KCNQ1: variants seen among roughly 807,000 people sequenced by gnomAD.
KCNQ1 encodes the protein potassium voltage-gated channel subfamily KQT member 1.
In KCNQ1, 49 loss-of-function variants were observed where a neutral mutation model predicts 72.4. The observed-to-expected ratio is 0.68, with a 90% CI of 0.54 to 0.86. The LOEUF (loss-of-function observed/expected upper bound fraction) is 0.86, where lower values mean the gene tolerates loss of function less well. Ranked by LOEUF, KCNQ1 falls within the 40% of genes least tolerant of loss-of-function variation. The probability of loss-of-function intolerance (pLI) is 0.00; values close to 1 mark genes in which losing one functional copy is unlikely to be tolerated. For synonymous variants in KCNQ1, 450 were observed against 412.6 expected, an observed-to-expected ratio of 1.09 and a Z score of -1.10; for missense variants, 790 against 945.1, an observed-to-expected ratio of 0.84 and a Z score of 2.15.
intron 11 of KCNQ1, among the ~76,000 whole-genome samples, chr11:2,757,879 T>C (rs747357683): frequency 6.6e-6 from 1 of 152,248 alleles, no homozygotes; most frequent in Admixed American, 6.5e-5. Flanking sequence ...ATTAAAACCC[T>C]GACCTAAGTC....
In KCNQ1 at chr11:2,696,642, T is replaced by C. The variant is rs1590038467; in HGVS notation, c.1514+34561T>C. The C allele has an allele frequency of 5.5e-5, 22 of 398,658 alleles. No individual in the cohort carries two copies. The East Asian group carries it at 7.8e-4, about 14-fold the overall frequency. The allele number at this position is 398,658 out of a possible 1,614,324, so 24.7% of individuals were successfully genotyped here. A position where few individuals can be genotyped will look rare whatever the true frequency, so the allele number is the denominator to read the frequency against. On this transcript the variant is annotated intron_variant, in intron 11 of 15. Coordinates refer to ENST00000155840, the MANE Select transcript of KCNQ1 (RefSeq NM_000218.3). The stretch of plus-strand genomic sequence containing the variant: ...TGGAGTCCTGTTGAACTTAACAGAT[T>C]TGGAAAATCCTGACGTCATTCTAAT...
At chr11:2,832,353 G>A (rs1019480913) in intron 15 of KCNQ1, among the ~76,000 whole-genome samples, 8 of 152,194 alleles carry the variant, frequency 5.3e-5, no homozygotes, top group African/African-American at 1.2e-4. Context: ...GGGGGCTTCC[G>A]GGCTGGGAGA....
chr11:2,686,548 A>G (rs1021599743), intron 11 of KCNQ1: 5 of 398,564 alleles, frequency 1.3e-5, no homozygotes, highest in Admixed American at 4.4e-5. Flanking sequence ...GCCCTGGGCA[A>G]TGTGCTCCTG....
chr11:2,647,694 A>AT lies in KCNQ1; in HGVS notation c.1394-14259dup, dbSNP rs1420449856. The AT allele has an allele frequency of 5.0e-6, 2 of 398,158 alleles. No individual in the cohort carries two copies. Among genetic ancestry groups the AT allele is most frequent in the Non-Finnish European group, 4.4e-6 (1 of 225,966 alleles). The allele number at this position is 398,158 out of a possible 1,614,324, so 24.7% of individuals were successfully genotyped here. A position where few individuals can be genotyped will look rare whatever the true frequency, so the allele number is the denominator to read the frequency against. On this transcript the variant is annotated intron_variant, in intron 10 of 15. Transcript: ENST00000155840. This position sits in a 1 kb window ranked among gnomAD's most constrained non-coding sequence, Gnocchi z 4.0. ...CATTCCTTGTTATTGCTCTGTTCAG[A>AT]TTTTTTTTCTTCCTGGTTCAATCTT... is the stretch of plus-strand genomic sequence containing the variant.
chr11:2,666,742 C>T (rs1435724586), intron 11 of KCNQ1: 6 of 398,670 alleles, frequency 1.5e-5, no homozygotes, highest in Non-Finnish European at 2.2e-5. Flanking sequence ...CCCAGGGTAC[C>T]AGGCACTGCA....
At chr11:2,821,375 CCA>C (rs1396243428) in intron 15 of KCNQ1, among the ~76,000 whole-genome samples, 2 of 152,332 alleles carry the variant, frequency 1.3e-5, no homozygotes, top group Admixed American at 6.5e-5. Context: ...GTCACGCCAG[CCA>C]CACACACTTT....
At chr11:2,714,095 G>A (rs967017241) in intron 11 of KCNQ1, among the ~76,000 whole-genome samples, 1 of 152,230 alleles carries the variant, frequency 6.6e-6, no homozygotes, top group East Asian at 1.9e-4. Flanking sequence ...GACTCTTTCC[G>A]AGCCTCTCCT....
chr11:2,752,000 AC>A (rs1378382433), intron 11 of KCNQ1, among the ~76,000 whole-genome samples: 1 of 151,794 alleles, frequency 6.6e-6, no homozygotes, highest in East Asian at 1.9e-4. Flanking sequence ...TGCCGCTGCC[AC>A]CTTGGCACCT....
chr11:2,801,582 C>T (rs544810335), intron 15 of KCNQ1, among the ~76,000 whole-genome samples: 17 of 152,202 alleles, frequency 1.1e-4, no homozygotes, highest in Non-Finnish European at 1.9e-4. Context: ...GGGACCAAGG[C>T]CCTGCCTTCA....
At chr11:2,445,629 A>C in intron 1 of KCNQ1, 145 bp downstream of exon 1, 1 of 959,834 alleles carries the variant, frequency 1.0e-6, no homozygotes, top group Non-Finnish European at 1.6e-6. Context: ...CAGAAACACA[A>C]ACTCTGCACT....
intron 11 of KCNQ1, among the ~76,000 whole-genome samples, chr11:2,757,406 G>T (rs1267374103): frequency 6.6e-6 from 1 of 152,126 alleles, no homozygotes; most frequent in Non-Finnish European, 1.5e-5. Flanking sequence ...ACTACAATAT[G>T]CCAATGAAAG....
intron 2 of KCNQ1, among the ~76,000 whole-genome samples, chr11:2,529,600 C>T (rs1847576744): frequency 6.6e-6 from 1 of 152,184 alleles, no homozygotes; most frequent in East Asian, 1.9e-4. Context: ...TCTAGTCTAT[C>T]ATGTTTTCCA....
rs913779449 is a variant in KCNQ1, at chr11:2,484,741, C to T, written c.386+39257C>T. On this transcript the variant is annotated intron_variant, in intron 1 of 15. Transcript: ENST00000155840. This position sits in a 1 kb window ranked among gnomAD's most constrained non-coding sequence, Gnocchi z 5.2. Reference sequence around the variant, plus strand: ...TCGCCACTGTGGACCTGCTGCTCTGCGCCCACTCGGCCGACGGAGCTGGGG... The same window carrying T: ...TCGCCACTGTGGACCTGCTGCTCTGTGCCCACTCGGCCGACGGAGCTGGGG... Among the ~76,000 whole-genome samples the T allele has an allele frequency of 7.2e-5, 11 of 152,308 alleles. No homozygotes were observed. The highest frequency in any genetic ancestry group is 1.4e-4 in the African/African-American group (6 of 41,554).
chr11:2,768,801 A>T lies in KCNQ1; in HGVS notation c.1515-43A>T. ...CAGGGGCAGTGAGGGGATGACCAGCACAGGGTGGCCACTCACAATCTCCTC... is the reference window on the plus strand; with the variant it reads ...CAGGGGCAGTGAGGGGATGACCAGCTCAGGGTGGCCACTCACAATCTCCTC... On this transcript the variant is annotated intron_variant, in intron 11 of 15. Transcript: ENST00000155840. The surrounding 1 kb of genome is among the most constrained non-coding windows in gnomAD (Gnocchi z 6.7). The T allele has an allele frequency of 2.0e-6, 3 of 1,499,486 alleles. No individual in the cohort carries two copies. The highest frequency in any genetic ancestry group is 2.8e-6 in the Non-Finnish European group (3 of 1,075,428). 92.9% of individuals were successfully genotyped at this position (1,499,486 alleles called of 1,614,324 possible). A position where few individuals can be genotyped will look rare whatever the true frequency, so the allele number is the denominator to read the frequency against.
Position 2,658,388 on chromosome 11 carries a change from C to T in KCNQ1, c.1394-3573C>T, listed in dbSNP as rs1257160789. On this transcript the variant is annotated intron_variant, in intron 10 of 15. Coordinates refer to ENST00000155840, the MANE Select transcript of KCNQ1 (RefSeq NM_000218.3). This position sits in a 1 kb window ranked among gnomAD's most constrained non-coding sequence, Gnocchi z 4.9. The stretch of plus-strand genomic sequence containing the variant: ...AGTATTTATTTTTTGAGTTATAGTC[C>T]AATATTATTTATTTTGTTGCTCAAA... 2.0e-5 allele frequency: 8 copies of T among 398,132 alleles called. No individual in the cohort carries two copies. Among genetic ancestry groups the T allele is most frequent in the East Asian group, 1.4e-4 (4 of 28,068 alleles). 24.7% of individuals were successfully genotyped at this position (398,132 alleles called of 1,614,324 possible).
intron 15 of KCNQ1, among the ~76,000 whole-genome samples, chr11:2,812,746 C>A (rs756942986): frequency 3.9e-5 from 6 of 152,130 alleles, no homozygotes; most frequent in Admixed American, 6.5e-5. Flanking sequence ...GGCCGTGGGC[C>A]CCACGCCCCC....
rs1246487218 is a variant in KCNQ1, at chr11:2,468,113, A to T, written c.386+22629A>T. On this transcript the variant is annotated intron_variant, in intron 1 of 15. Transcript: ENST00000155840. This position sits in a 1 kb window ranked among gnomAD's most constrained non-coding sequence, Gnocchi z 5.7. Reference sequence around the variant, plus strand: ...AATGCACTGTCTCTCCTGGGCTCCCAACCTTTCACAGGCCACAGGCCCATT... The same window carrying T: ...AATGCACTGTCTCTCCTGGGCTCCCTACCTTTCACAGGCCACAGGCCCATT... 1.3e-5 allele frequency among the ~76,000 whole-genome samples: 2 copies of T among 152,218 alleles called. No individual in the cohort carries two copies. The highest frequency in any genetic ancestry group is 2.4e-5 in the African/African-American group (1 of 41,464).
rs187098462 is a variant in KCNQ1 at position 2,649,229 on chromosome 11, G to A, written c.1394-12732G>A. ...CTACATTCAAGATTGTTATCAATAG[G>A]TGAGGACTTACTCCTGTCATTTTAT... On this transcript the variant is annotated intron_variant, in intron 10 of 15. Transcript: ENST00000155840. 1.3e-5 allele frequency: 5 copies of A among 398,080 alleles called. No individual in the cohort carries two copies. In the East Asian group the frequency reaches 1.4e-4, roughly 11 times the overall value. The allele number at this position is 398,080 out of a possible 1,614,324, so 24.7% of individuals were successfully genotyped here. A position where few individuals can be genotyped will look rare whatever the true frequency, so the allele number is the denominator to read the frequency against.
In KCNQ1 at chr11:2,759,895, C is replaced by T. The variant is rs561832758; in HGVS notation, c.1515-8949C>T. Among the ~76,000 whole-genome samples the T allele has an allele frequency of 1.3e-5, 2 of 152,284 alleles. No individual in the cohort carries two copies. Among genetic ancestry groups the T allele is most frequent in the East Asian group, 1.9e-4 (1 of 5,168 alleles). Reference sequence around the variant, plus strand: ...CCCAAGCCCCAGGACCCCCTGGAGTCACCTCCAGCCCTCCCACATGCCAGC... The same window carrying T: ...CCCAAGCCCCAGGACCCCCTGGAGTTACCTCCAGCCCTCCCACATGCCAGC... On this transcript the variant is annotated intron_variant, in intron 11 of 15. Transcript: ENST00000155840. The surrounding 1 kb of genome is among the most constrained non-coding windows in gnomAD (Gnocchi z 4.4).
Sources: allele counts gnomAD v4.1 joint callset (sites outside exome capture counted in the v4.1 genomes callset), GRCh38; gene constraint gnomAD v4.1.1; non-coding constraint Gnocchi (gnomAD v3.1); transcripts MANE v1.5; gene names NCBI Gene and HGNC (gene_info 2026-07-23, HGNC 2026-07-21).